The following LDLRAD3 variants were observed in gnomAD, a reference collection of about 807,000 sequenced individuals.
The protein encoded by LDLRAD3 is low density lipoprotein receptor class A domain containing 3.
Under a neutral mutation model 29.4 loss-of-function variants are expected in LDLRAD3, and 20 were observed. That is an observed-to-expected ratio of 0.68 (90% confidence interval 0.48 to 0.99). LDLRAD3 has a LOEUF of 0.99. LDLRAD3 is among the 50% of genes least tolerant of loss of function. The probability of loss-of-function intolerance (pLI) is 0.00; values close to 1 mark genes in which losing one functional copy is unlikely to be tolerated. For synonymous variants in LDLRAD3, 157 were observed against 192.7 expected (o/e 0.81, Z 1.53); for missense variants, 420 against 454.3 (o/e 0.92, Z 0.69).
chr11:36,146,386 AC>A (rs1854194626), intron 4 of LDLRAD3, among the ~76,000 whole-genome samples: 1 of 152,224 alleles, frequency 6.6e-6, no homozygotes, highest in South Asian at 2.1e-4. Flanking sequence ...AGTAATATAC[AC>A]CCATTGTCCA....
At chr11:36,008,395 T>C (rs943094033) in intron 1 of LDLRAD3, among the ~76,000 whole-genome samples, 5 of 152,170 alleles carry the variant, frequency 3.3e-5, no homozygotes, top group Admixed American at 6.5e-5. Flanking sequence ...GTAGCATTCC[T>C]ATTTGGTGTT....
intron 3 of LDLRAD3, among the ~76,000 whole-genome samples, chr11:36,088,667 G>A (rs1853231562): frequency 6.6e-6 from 1 of 152,164 alleles, no homozygotes; most frequent in Non-Finnish European, 1.5e-5. Context: ...TCAGAAAGCT[G>A]TGTCTTTTAT....
At chr11:36,012,826 T>G (rs1372314416) in intron 1 of LDLRAD3, among the ~76,000 whole-genome samples, 1 of 152,208 alleles carries the variant, frequency 6.6e-6, no homozygotes. Flanking sequence ...AAGGGAGGAC[T>G]ATTGTATTTC....
chr11:36,166,895 C>T (rs550321429), intron 4 of LDLRAD3, among the ~76,000 whole-genome samples: 3 of 152,278 alleles, frequency 2.0e-5, no homozygotes, highest in African/African-American at 7.2e-5. Flanking sequence ...AATAGCGAGG[C>T]TCTAGTCTAC....
chr11:35,966,565 T>C (rs551970927), intron 1 of LDLRAD3, among the ~76,000 whole-genome samples: 1 of 152,320 alleles, frequency 6.6e-6, no homozygotes, highest in East Asian at 1.9e-4. Context: ...GCTTGGAACA[T>C]CAAACCAGTC....
chr11:36,212,067 T>C (rs1855289985), intron 4 of LDLRAD3, among the ~76,000 whole-genome samples: 1 of 152,196 alleles, frequency 6.6e-6, no homozygotes, highest in Admixed American at 6.5e-5. Context: ...ATAGAAATAG[T>C]AGTTCTTTAG....
At chr11:36,107,931 A>G (rs1433319210) in intron 4 of LDLRAD3, among the ~76,000 whole-genome samples, 1 of 152,232 alleles carries the variant, frequency 6.6e-6, no homozygotes, top group East Asian at 1.9e-4. Context: ...TTAAAATGCC[A>G]TCTATTGTAA....
chr11:36,083,354 T>C (rs575018226), intron 3 of LDLRAD3, among the ~76,000 whole-genome samples: 13 of 152,212 alleles, frequency 8.5e-5, no homozygotes, highest in Non-Finnish European at 1.9e-4. Flanking sequence ...TTTTAATAAA[T>C]ATTTTTCTTC....
chr11:36,225,431 C>T (rs1855485390), intron 4 of LDLRAD3, among the ~76,000 whole-genome samples: 1 of 152,142 alleles, frequency 6.6e-6, no homozygotes, highest in African/African-American at 2.4e-5. Context: ...AAGCTCCTTA[C>T]CTGGGTGCTT....
intron 1 of LDLRAD3, among the ~76,000 whole-genome samples, chr11:36,021,913 G>A (rs1213845371): frequency 1.3e-5 from 2 of 152,072 alleles, no homozygotes; most frequent in African/African-American, 4.8e-5. Flanking sequence ...AGCCCTGCAA[G>A]TGCTGAGATT....
chr11:36,110,389 A>C (rs749685644), intron 4 of LDLRAD3, among the ~76,000 whole-genome samples: 22 of 152,226 alleles, frequency 1.4e-4, no homozygotes, highest in Middle Eastern at 6.8e-3. Flanking sequence ...GGCGGAGTCC[A>C]TCCTGGACAC....
At chr11:35,965,652 A>T (rs554865122) in intron 1 of LDLRAD3, among the ~76,000 whole-genome samples, 1 of 152,304 alleles carries the variant, frequency 6.6e-6, no homozygotes, top group African/African-American at 2.4e-5. Flanking sequence ...GAAACCAAAG[A>T]GAGATGGGGG....
chr11:36,083,401 A>G (rs993744881), intron 3 of LDLRAD3, among the ~76,000 whole-genome samples: 1 of 152,220 alleles, frequency 6.6e-6, no homozygotes, highest in African/African-American at 2.4e-5. Flanking sequence ...ATAAACAAGT[A>G]TAAAGAAGAA....
chr11:36,079,290 C>G (rs1303534473), intron 2 of LDLRAD3, among the ~76,000 whole-genome samples: 1 of 152,170 alleles, frequency 6.6e-6, no homozygotes, highest in Non-Finnish European at 1.5e-5. Context: ...AATAAGCTTT[C>G]TAAACTTTGG....
At chr11:36,180,829 G>A (rs567329070) in intron 4 of LDLRAD3, among the ~76,000 whole-genome samples, 14 of 152,162 alleles carry the variant, frequency 9.2e-5, no homozygotes, top group Non-Finnish European at 1.6e-4. Context: ...CGGTCAGTGC[G>A]GGCCATGCTT....
At chr11:36,096,196 A>G (rs376193716) in intron 3 of LDLRAD3, among the ~76,000 whole-genome samples, 11 of 152,316 alleles carry the variant, frequency 7.2e-5, no homozygotes, top group African/African-American at 2.2e-4. Flanking sequence ...TTGGAATTGA[A>G]TAGTTAAAAT....
At chr11:35,978,334 C>T (rs559335172) in intron 1 of LDLRAD3, among the ~76,000 whole-genome samples, 1 of 152,366 alleles carries the variant, frequency 6.6e-6, no homozygotes, top group East Asian at 1.9e-4. Flanking sequence ...CGAGGTGTGC[C>T]TGCCTGCAGT....
chr11:36,183,963 C>CTTTTTTTTTTTTTTTTTTTT lies in LDLRAD3; in HGVS notation c.455-43105_455-43104insTTTTTTTTTTTTTTTTTTTT, dbSNP rs547281058. ...GGTTCTTTTTCCAAATATATTTCAT[C>CTTTTTTTTTTTTTTTTTTTT]TTTTTTTTTTTTTTTTTCCCGAGAT... On this transcript the variant is annotated intron_variant, in intron 4 of 5. Coordinates refer to ENST00000315571, the MANE Select transcript of LDLRAD3 (RefSeq NM_174902.4). The CTTTTTTTTTTTTTTTTTTTT allele has an allele frequency of 9.4e-6, 2 of 213,802 alleles. 1 individual carries two copies. Among genetic ancestry groups the CTTTTTTTTTTTTTTTTTTTT allele is most frequent in the African/African-American group, 5.7e-5 (2 of 35,168 alleles). 13.2% of individuals were successfully genotyped at this position (213,802 alleles called of 1,614,324 possible).
intron 2 of LDLRAD3, among the ~76,000 whole-genome samples, chr11:36,058,888 T>C (rs1337522453): frequency 6.6e-6 from 1 of 152,150 alleles, no homozygotes; most frequent in Admixed American, 6.5e-5. Context: ...AGTGCTGAGG[T>C]TGAGGAACCC....
Sources: allele counts gnomAD v4.1 joint callset (sites outside exome capture counted in the v4.1 genomes callset), GRCh38; gene constraint gnomAD v4.1.1; transcripts MANE v1.5; gene names NCBI Gene and HGNC (gene_info 2026-07-23, HGNC 2026-07-21).